Variants in MGRN1 observed in about 807,000 individuals in gnomAD.
MGRN1 encodes the protein E3 ubiquitin-protein ligase MGRN1.
MGRN1 carries 29 observed loss-of-function variants against 69.2 expected under a neutral mutation model. That is an observed-to-expected ratio of 0.42 (90% CI 0.31 to 0.57). The LOEUF (loss-of-function observed/expected upper bound fraction) is 0.57, where lower values mean the gene tolerates loss of function less well. Among genes scored for constraint, MGRN1 ranks in the 20% least tolerant of loss-of-function variants. MGRN1 has a pLI of 0.15. For missense variants in MGRN1, 998 were observed against 796.2 expected (o/e 1.25, Z -3.05); for synonymous variants, 470 against 344.2 (o/e 1.37, Z -4.04).
At chr16:4,665,219 G>A (rs753496758) in intron 7 of MGRN1, 68 bp downstream of exon 7, 7 of 1,556,104 alleles carry the variant, frequency 4.5e-6, no homozygotes, top group Non-Finnish European at 5.3e-6. Flanking sequence ...CTTTTGAGAC[G>A]AGAAGCCTGA....
chr16:4,679,442 C>G (rs997126687), intron 11 of MGRN1, among the ~76,000 whole-genome samples: 40 of 152,042 alleles, frequency 2.6e-4, no homozygotes, highest in African/African-American at 8.9e-4. Context: ...GGAGCAAAAG[C>G]AAACGCTCCT....
intron 4 of MGRN1, among the ~76,000 whole-genome samples, chr16:4,653,314 C>T (rs2078449654): frequency 6.6e-6 from 1 of 152,122 alleles, no homozygotes; most frequent in Non-Finnish European, 1.5e-5. Context: ...GGGTGGGGCG[C>T]ACCACCTTCC....
intron 8 of MGRN1, among the ~76,000 whole-genome samples, chr16:4,668,565 GCA>G (rs561534337): frequency 4.5e-3 from 679 of 149,488 alleles, no homozygotes; most frequent in Middle Eastern, 0.01. Context: ...ACTCCTACTC[GCA>G]CACACTCATA....
intron 16 of MGRN1, among the ~76,000 whole-genome samples, chr16:4,684,268 C>A (rs1567241020): frequency 1.3e-5 from 2 of 152,242 alleles, no homozygotes; most frequent in Non-Finnish European, 2.9e-5. Flanking sequence ...GCCTGCTGCT[C>A]ACGCCAGGAG....
chr16:4,674,844 G>GT (rs1218294333), intron 10 of MGRN1, among the ~76,000 whole-genome samples: 2 of 149,534 alleles, frequency 1.3e-5, no homozygotes, highest in Middle Eastern at 3.2e-3. Context: ...GTTTCACCTT[G>GT]TTAGCCAGGA....
intron 9 of MGRN1, among the ~76,000 whole-genome samples, 169 bp downstream of exon 9, chr16:4,671,628 A>G (rs192925813): frequency 1.3e-5 from 2 of 152,282 alleles, no homozygotes; most frequent in African/African-American, 4.8e-5. Flanking sequence ...TTTAGGGAAC[A>G]TTTTATCCTT....
chr16:4,628,048 C>G (rs527397121), intron 1 of MGRN1, among the ~76,000 whole-genome samples: 3 of 146,146 alleles, frequency 2.1e-5, no homozygotes, highest in Non-Finnish European at 4.5e-5. Context: ...CCACTGCACT[C>G]CAGCCTAGGT....
rs774035060 is a variant in MGRN1, at chr16:4,682,983, G to A, written c.1482+37G>A. 34 of 1,506,688 alleles carry A rather than the reference G, an allele frequency of 2.3e-5. No individual in the cohort carries two copies. The South Asian group carries it at 2.7e-4, about 12-fold the overall frequency. The allele number at this position is 1,506,688 out of a possible 1,614,324, so 93.3% of individuals were successfully genotyped here. ...CCGGGGAAGCTTTGCGCACCCGCCC[G>A]GGCCAGCCCTCCTCCAGCTTCTGTC... On this transcript the variant is annotated intron_variant, in intron 14 of 16. Transcript: ENST00000262370.
At chr16:4,643,669 G>C (rs1424035088) in intron 1 of MGRN1, among the ~76,000 whole-genome samples, 1 of 152,084 alleles carries the variant, frequency 6.6e-6, no homozygotes, top group African/African-American at 2.4e-5. Flanking sequence ...ACCGCGCCTG[G>C]CAAAAATCTT....
At chr16:4,648,159 G>A (rs1262791364) in intron 1 of MGRN1, among the ~76,000 whole-genome samples, 4 of 152,198 alleles carry the variant, frequency 2.6e-5, no homozygotes, top group African/African-American at 7.2e-5. Context: ...CCTGCAATAC[G>A]TGAGGTTGAG....
intron 8 of MGRN1, among the ~76,000 whole-genome samples, chr16:4,668,727 C>T (rs183862791): frequency 3.4e-4 from 52 of 151,674 alleles, no homozygotes; most frequent in Admixed American, 9.2e-4. Context: ...CTCACATATA[C>T]ATAGACACAT....
intron 6 of MGRN1, 90 bp from the exon 7 acceptor site, chr16:4,665,012 G>A (rs2078768367): frequency 2.2e-5 from 32 of 1,483,230 alleles, no homozygotes; most frequent in Non-Finnish European, 2.7e-5. Context: ...CTGAGCCCTC[G>A]GTGCCGCAGG....
chr16:4,634,482 G>C (rs988948067), intron 1 of MGRN1: 4 of 152,368 alleles, frequency 2.6e-5, no homozygotes, highest in African/African-American at 9.7e-5. Flanking sequence ...TTTGCGCTTT[G>C]GGGTCATCTT....
intron 1 of MGRN1, among the ~76,000 whole-genome samples, chr16:4,648,875 G>T (rs1441595564): frequency 7.7e-6 from 1 of 129,260 alleles, no homozygotes; most frequent in Non-Finnish European, 1.6e-5. Flanking sequence ...TCCTCCTCTC[G>T]GGGACTCTTC....
Position 4,682,972 on chromosome 16 carries a change from C to A in MGRN1, c.1482+26C>A, listed in dbSNP as rs368857622. 2.0e-5 allele frequency: 30 copies of A among 1,516,924 alleles called. No homozygotes were observed. The African/African-American group carries it at 2.2e-4, about 11-fold the overall frequency. The allele number at this position is 1,516,924 out of a possible 1,614,324, so 94.0% of individuals were successfully genotyped here. Reference sequence around the variant, plus strand: ...GTGAGGCCCCCCCGGGGAAGCTTTGCGCACCCGCCCGGGCCAGCCCTCCTC... The same window carrying A: ...GTGAGGCCCCCCCGGGGAAGCTTTGAGCACCCGCCCGGGCCAGCCCTCCTC... On this transcript the variant is annotated intron_variant, in intron 14 of 16. Transcript: ENST00000262370.
intron 1 of MGRN1, among the ~76,000 whole-genome samples, chr16:4,639,172 G>A (rs927525344): frequency 6.6e-6 from 1 of 152,166 alleles, no homozygotes; most frequent in Admixed American, 6.5e-5. Context: ...TCATGAGGAT[G>A]CGGGGCCGTG....
At chr16:4,636,452 C>G (rs1278366106) in intron 1 of MGRN1, among the ~76,000 whole-genome samples, 1 of 151,994 alleles carries the variant, frequency 6.6e-6, no homozygotes. Flanking sequence ...GGACGGGCTC[C>G]GGGGGAGCTG....
rs529351729 is a variant in MGRN1 at position 4,639,068 on chromosome 16, C to T, written c.89-11297C>T. Among the ~76,000 whole-genome samples, 5 of 152,306 alleles carry T rather than the reference C, an allele frequency of 3.3e-5. No individual in the cohort carries two copies. The East Asian group carries it at 9.6e-4, about 29-fold the overall frequency. On this transcript the variant is annotated intron_variant, in intron 1 of 16. Transcript: ENST00000262370. ...AGCAGGTCACTCAGCCTCACCGGGC[C>T]AGTTTCCCTGACTGTCAAACACCAG...
intron 1 of MGRN1, among the ~76,000 whole-genome samples, chr16:4,641,323 C>CCCATGTGTGGATACCCATGCCAAAT (rs1191382581): frequency 5.3e-5 from 8 of 152,116 alleles, no homozygotes; most frequent in Admixed American, 1.3e-4. Flanking sequence ...TGTGTGGATA[C>CCCATGTGTGGATACCCATGCCAAAT]CCATGTGTGA....
Sources: gnomAD v4.1 joint callset for allele counts (sites outside exome capture counted in the v4.1 genomes callset) on GRCh38, gnomAD v4.1.1 for gene constraint, MANE v1.5 for transcripts, NCBI Gene and HGNC (gene_info 2026-07-23, HGNC 2026-07-21) for gene names.